RPS6KC1: variants seen among roughly 807,000 people sequenced by gnomAD.
The protein encoded by RPS6KC1 is ribosomal protein S6 kinase C1.
Under a neutral mutation model 103.8 loss-of-function variants are expected in RPS6KC1, and 54 were observed. The observed-to-expected ratio is 0.52, with a 90% confidence interval of 0.42 to 0.65. RPS6KC1 has a LOEUF of 0.65. Ranked by LOEUF, RPS6KC1 falls within the 30% of genes least tolerant of loss-of-function variation. RPS6KC1 has a pLI of 0.00. For missense variants in RPS6KC1, 1,151 were observed against 1,253.8 expected, an observed-to-expected ratio of 0.92 and a Z score of 1.24; for synonymous variants, 439 against 438.7, an observed-to-expected ratio of 1.00 and a Z score of -0.01.
the RPS6KC1 span, among the ~76,000 whole-genome samples, chr1:213,378,298 C>T: frequency 1.3e-5 from 2 of 152,196 alleles, no homozygotes; most frequent in South Asian, 2.1e-4. Flanking sequence ...TGTTCTGTTT[C>T]CCCATCTGTA....
chr1:213,166,702 A>G (rs1558460874), intron 6 of RPS6KC1, among the ~76,000 whole-genome samples: 1 of 152,146 alleles, frequency 6.6e-6, no homozygotes, highest in African/African-American at 2.4e-5. Flanking sequence ...GTGTGAAATG[A>G]AAGTTATTTA....
the RPS6KC1 span, among the ~76,000 whole-genome samples, chr1:213,681,969 A>G: frequency 6.6e-6 from 1 of 152,170 alleles, no homozygotes; most frequent in Non-Finnish European, 1.5e-5. Flanking sequence ...TTTGCTGTCC[A>G]TGGTTTCCCT....
chr1:213,411,315 G>A, the RPS6KC1 span, among the ~76,000 whole-genome samples: 2 of 152,238 alleles, frequency 1.3e-5, no homozygotes, highest in Non-Finnish European at 2.9e-5. Context: ...CCGAGAGGGA[G>A]GTGCTGTGGC....
chr1:213,632,027 G>T, the RPS6KC1 span, among the ~76,000 whole-genome samples: 44 of 152,220 alleles, frequency 2.9e-4, 1 homozygote, highest in African/African-American at 9.1e-4. Context: ...TTTAAGGTTT[G>T]CTTCTTTTAT....
At chr1:213,304,069 A>C in the RPS6KC1 span, among the ~76,000 whole-genome samples, 144 of 150,260 alleles carry the variant, frequency 9.6e-4, no homozygotes, top group Non-Finnish European at 1.1e-3. Flanking sequence ...AGCCGGGCGT[A>C]GTGGCGGGCG....
chr1:213,331,588 T>C, the RPS6KC1 span, among the ~76,000 whole-genome samples: 1 of 152,226 alleles, frequency 6.6e-6, no homozygotes, highest in Non-Finnish European at 1.5e-5. Context: ...CCTCTGCACC[T>C]GCGTCCTGTG....
At chr1:213,453,429 G>A in the RPS6KC1 span, among the ~76,000 whole-genome samples, 1 of 152,064 alleles carries the variant, frequency 6.6e-6, no homozygotes, top group Non-Finnish European at 1.5e-5. Context: ...CTTCTTGGGG[G>A]CACAGGAGAG....
At chr1:213,679,249 T>G in the RPS6KC1 span, among the ~76,000 whole-genome samples, 3 of 152,316 alleles carry the variant, frequency 2.0e-5, no homozygotes, top group African/African-American at 7.2e-5. Context: ...TTCAACATCC[T>G]TTTGCAAAAT....
the RPS6KC1 span, among the ~76,000 whole-genome samples, chr1:213,775,499 C>A: frequency 2.6e-5 from 4 of 152,082 alleles, no homozygotes; most frequent in African/African-American, 9.7e-5. Context: ...AAAGTTATGT[C>A]TACACTATCA....
chr1:213,782,504 G>C, the RPS6KC1 span, among the ~76,000 whole-genome samples: 1 of 151,980 alleles, frequency 6.6e-6, no homozygotes. Context: ...ATGAGAAGTA[G>C]AACATTACTC....
chr1:213,226,634 A>G (rs1177257903), intron 8 of RPS6KC1, among the ~76,000 whole-genome samples: 2 of 152,124 alleles, frequency 1.3e-5, no homozygotes, highest in Admixed American at 1.3e-4. Context: ...ACTCTGTGCA[A>G]TCTGCTTTTA....
the RPS6KC1 span, among the ~76,000 whole-genome samples, chr1:213,362,910 C>T: frequency 6.6e-6 from 1 of 152,192 alleles, no homozygotes; most frequent in Admixed American, 6.5e-5. Flanking sequence ...AACATGGGCT[C>T]TTCCTAGTTC....
At chr1:213,338,400 ATTCT>A in the RPS6KC1 span, among the ~76,000 whole-genome samples, 1 of 152,080 alleles carries the variant, frequency 6.6e-6, no homozygotes, top group African/African-American at 2.4e-5. Flanking sequence ...TAGTTTGTAC[ATTCT>A]TTCTTTCTTT....
chr1:213,554,401 C>G, the RPS6KC1 span, among the ~76,000 whole-genome samples: 1 of 152,286 alleles, frequency 6.6e-6, no homozygotes, highest in Non-Finnish European at 1.5e-5. Flanking sequence ...GTACCAATAC[C>G]ATGCTGTTTC....
chr1:213,566,437 G>GTTTTTTTTTTTTTTTTT, the RPS6KC1 span, among the ~76,000 whole-genome samples: 5 of 48,522 alleles, frequency 1.0e-4, 1 homozygote, highest in Non-Finnish European at 1.1e-4. Context: ...TCAGCCTTTA[G>GTTTTTTTTTTTTTTTTT]TTTTTTTTTT....
chr1:213,793,923 G>A, the RPS6KC1 span, among the ~76,000 whole-genome samples: 1 of 152,164 alleles, frequency 6.6e-6, no homozygotes, highest in Non-Finnish European at 1.5e-5. Context: ...AGAAATGTCT[G>A]TGATAATAAC....
At chr1:213,620,306 G>T in the RPS6KC1 span, among the ~76,000 whole-genome samples, 1 of 152,220 alleles carries the variant, frequency 6.6e-6, no homozygotes, top group Admixed American at 6.5e-5. Flanking sequence ...TAGATGGGCT[G>T]GTTTCTGGGG....
At chr1:213,532,089 C>G in the RPS6KC1 span, among the ~76,000 whole-genome samples, 3 of 152,206 alleles carry the variant, frequency 2.0e-5, no homozygotes, top group East Asian at 3.9e-4. Context: ...GCGCTTACGG[C>G]CTTCACTCAC....
At chr1:213,055,029 A>G (rs2077222610) in intron 1 of RPS6KC1, among the ~76,000 whole-genome samples, 1 of 152,208 alleles carries the variant, frequency 6.6e-6, no homozygotes, top group Non-Finnish European at 1.5e-5. Context: ...TATAAAAGGT[A>G]TGTTTTTATT....
Sources: allele counts gnomAD v4.1 joint callset (sites outside exome capture counted in the v4.1 genomes callset), GRCh38; gene constraint gnomAD v4.1.1; transcripts MANE v1.5; gene names NCBI Gene and HGNC (gene_info 2026-07-23, HGNC 2026-07-21).